Variants in ZFHX3 observed in about 807,000 individuals in gnomAD.
The protein encoded by ZFHX3 is zinc finger homeobox 3.
In ZFHX3, 42 loss-of-function variants were observed where a neutral mutation model predicts 279.1. That is an observed-to-expected ratio of 0.15 (90% CI 0.12 to 0.19). The LOEUF (loss-of-function observed/expected upper bound fraction) is 0.19. ZFHX3 is among the 10% of genes least tolerant of loss of function. The pLI is 1.00. For synonymous variants in ZFHX3, 2,293 were observed against 1,957.8 expected, an observed-to-expected ratio of 1.17 and a Z score of -4.52; for missense variants, 4,981 against 4,754.0, an observed-to-expected ratio of 1.05 and a Z score of -1.40.
rs371417396 is a variant in ZFHX3 at position 73,241,083 on chromosome 16, A to G, written c.-1104+15964T>C. On this transcript the variant is annotated intron_variant, in intron 5 of 17. Transcript: ENST00000641206. ...TGCCAGGAGAGGCAAAGACTAGGCA[A>G]TTGATGAGACCCCACTGGAAGCTGA... Among the ~76,000 whole-genome samples, 93 of 152,310 alleles carry G rather than the reference A, an allele frequency of 6.1e-4. No individual in the cohort carries two copies. The South Asian group carries it at 0.018, about 30-fold the overall frequency.
intron 2 of ZFHX3, among the ~76,000 whole-genome samples, chr16:73,598,041 G>A (rs56106638): frequency 6.6e-6 from 1 of 152,018 alleles, no homozygotes; most frequent in African/African-American, 2.4e-5. Context: ...TCATGAGGGG[G>A]TACTTCAAAT....
chr16:73,527,134 G>A (rs915578139), intron 2 of ZFHX3, among the ~76,000 whole-genome samples: 2 of 152,144 alleles, frequency 1.3e-5, no homozygotes, highest in African/African-American at 4.8e-5. Flanking sequence ...GGCAGCTCCA[G>A]CCTGGCTGCT....
intron 3 of ZFHX3, among the ~76,000 whole-genome samples, chr16:73,455,432 T>C (rs2018355094): frequency 6.6e-6 from 1 of 152,170 alleles, no homozygotes; most frequent in Admixed American, 6.5e-5. Context: ...GGTTCTACAT[T>C]CTTCCCACCC....
intron 1 of ZFHX3, among the ~76,000 whole-genome samples, chr16:73,729,058 T>A (rs1375166025): frequency 6.6e-6 from 1 of 152,038 alleles, no homozygotes. Context: ...TTAATAAGGG[T>A]CAGGACATAG....
intron 1 of ZFHX3, among the ~76,000 whole-genome samples, chr16:73,756,253 C>T (rs145806956): frequency 3.8e-4 from 58 of 152,252 alleles, no homozygotes; most frequent in Non-Finnish European, 5.9e-4. Flanking sequence ...GAATAAGAAG[C>T]TTTTGAGTGT....
At chr16:73,726,345 G>A (rs1439568454) in intron 1 of ZFHX3, among the ~76,000 whole-genome samples, 1 of 152,208 alleles carries the variant, frequency 6.6e-6, no homozygotes, top group African/African-American at 2.4e-5. Context: ...GCACTGCATG[G>A]AAGTGGTTTA....
At chr16:73,687,840 C>T (rs568953865) in intron 1 of ZFHX3, among the ~76,000 whole-genome samples, 2 of 96,834 alleles carry the variant, frequency 2.1e-5, no homozygotes, top group African/African-American at 9.4e-5. Context: ...GAGCAAGACT[C>T]TGTCTCAAAA....
intron 2 of ZFHX3, among the ~76,000 whole-genome samples, chr16:73,655,616 T>C (rs778176522): frequency 1.3e-5 from 2 of 152,218 alleles, no homozygotes; most frequent in Non-Finnish European, 2.9e-5. Context: ...CATTAATAAT[T>C]ATGGTTATGC....
At chr16:72,810,938 T>C (rs1421547701) in intron 7 of ZFHX3, among the ~76,000 whole-genome samples, 1 of 152,202 alleles carries the variant, frequency 6.6e-6, no homozygotes, top group African/African-American at 2.4e-5. Context: ...TGCAGCGCAG[T>C]GGCCTAATCA....
chr16:72,955,121 G>A (rs920911764), intron 2 of ZFHX3, among the ~76,000 whole-genome samples: 1 of 152,120 alleles, frequency 6.6e-6, no homozygotes, highest in African/African-American at 2.4e-5. Context: ...ACACCCACTC[G>A]AGCTTCTGGC....
At chr16:73,202,327 C>T (rs2011636700) in intron 5 of ZFHX3, among the ~76,000 whole-genome samples, 1 of 152,214 alleles carries the variant, frequency 6.6e-6, no homozygotes, top group Non-Finnish European at 1.5e-5. Flanking sequence ...CCATCTCTTT[C>T]TGAAATTAAC....
At chr16:73,442,019 T>G (rs986833423) in intron 3 of ZFHX3, among the ~76,000 whole-genome samples, 2 of 152,106 alleles carry the variant, frequency 1.3e-5, no homozygotes, top group Non-Finnish European at 2.9e-5. Flanking sequence ...GGACTCCAGG[T>G]CTCTCCCCTT....
intron 4 of ZFHX3, among the ~76,000 whole-genome samples, chr16:73,263,550 T>C (rs903899030): frequency 6.6e-6 from 1 of 152,144 alleles, no homozygotes; most frequent in African/African-American, 2.4e-5. Flanking sequence ...TACCCACATG[T>C]TGCCTGGTCC....
intron 4 of ZFHX3, among the ~76,000 whole-genome samples, chr16:72,875,685 T>C (rs1350741933): frequency 1.3e-5 from 2 of 152,246 alleles, no homozygotes; most frequent in African/African-American, 4.8e-5. Flanking sequence ...TTAACTGAAC[T>C]GCCACGTTAA....
chr16:73,087,204 A>G (rs1483932846), intron 8 of ZFHX3, among the ~76,000 whole-genome samples: 2 of 152,192 alleles, frequency 1.3e-5, no homozygotes, highest in African/African-American at 4.8e-5. Context: ...CTAGTCCTAA[A>G]ACTAGACAGG....
intron 7 of ZFHX3, among the ~76,000 whole-genome samples, chr16:73,130,181 C>T (rs757194789): frequency 1.3e-5 from 2 of 151,720 alleles, no homozygotes; most frequent in Non-Finnish European, 2.9e-5. Context: ...TAGCTGTTTG[C>T]GCATGTAAAG....
At chr16:73,607,129 A>G (rs988029039) in intron 2 of ZFHX3, among the ~76,000 whole-genome samples, 7 of 152,180 alleles carry the variant, frequency 4.6e-5, no homozygotes, top group Admixed American at 3.9e-4. Context: ...CCTAGGTTCA[A>G]CTGATTCTCC....
chr16:73,802,372 T>C (rs1276087690), intron 1 of ZFHX3, among the ~76,000 whole-genome samples: 2 of 152,238 alleles, frequency 1.3e-5, no homozygotes, highest in East Asian at 3.8e-4. Flanking sequence ...CTATGGGTGT[T>C]TCCCAGTGTA....
At chr16:73,858,920 T>A (rs1466763281) in intron 1 of ZFHX3, among the ~76,000 whole-genome samples, 1 of 152,198 alleles carries the variant, frequency 6.6e-6, no homozygotes, top group South Asian at 2.1e-4. Flanking sequence ...CCACGCACCA[T>A]CTTCCATCCC....
Sources: gnomAD v4.1 joint callset for allele counts (sites outside exome capture counted in the v4.1 genomes callset) on GRCh38, gnomAD v4.1.1 for gene constraint, MANE v1.5 for transcripts, NCBI Gene and HGNC (gene_info 2026-07-23, HGNC 2026-07-21) for gene names.